Variants in PTPRD observed in about 807,000 individuals in gnomAD.
PTPRD encodes protein tyrosine phosphatase receptor type D, also known as receptor-type tyrosine-protein phosphatase delta.
PTPRD carries 34 observed loss-of-function variants against 214.5 expected under a neutral mutation model. That is an observed-to-expected ratio of 0.16 (90% confidence interval 0.12 to 0.21). The LOEUF is 0.21. Among genes scored for constraint, PTPRD ranks in the 10% least tolerant of loss-of-function variants. PTPRD has a pLI of 1.00. For missense variants in PTPRD, 2,545 were observed against 2,398.7 expected, an observed-to-expected ratio of 1.06 and a Z score of -1.27; for synonymous variants, 1,128 against 845.7, an observed-to-expected ratio of 1.33 and a Z score of -5.79.
chr9:10,436,714 C>T (rs1232539758), intron 2 of PTPRD, among the ~76,000 whole-genome samples: 1 of 151,648 alleles, frequency 6.6e-6, no homozygotes, highest in Admixed American at 6.6e-5. Context: ...ATTTATTCTT[C>T]AGCTTGTCTC....
intron 11 of PTPRD, among the ~76,000 whole-genome samples, chr9:8,762,737 G>T (rs187938546): frequency 0.013 from 1,904 of 152,204 alleles, 21 homozygotes; most frequent in South Asian, 0.044. Flanking sequence ...CTCTGTTCCA[G>T]TTAACCCATA....
At chr9:9,370,270 G>A (rs202203856) in intron 9 of PTPRD, among the ~76,000 whole-genome samples, 4 of 151,894 alleles carry the variant, frequency 2.6e-5, no homozygotes, top group Non-Finnish European at 5.9e-5. Flanking sequence ...ATTTGTTTGT[G>A]TCCTCTTTTA....
intron 9 of PTPRD, among the ~76,000 whole-genome samples, chr9:9,266,105 A>T (rs919415030): frequency 6.6e-6 from 1 of 151,552 alleles, no homozygotes; most frequent in Non-Finnish European, 1.5e-5. Flanking sequence ...ATGAGACAAA[A>T]TAGACTTTAA....
chr9:9,935,480 C>T (rs1189953757), intron 5 of PTPRD, among the ~76,000 whole-genome samples: 3 of 152,018 alleles, frequency 2.0e-5, no homozygotes, highest in African/African-American at 7.3e-5. Context: ...TTCACAATTG[C>T]TTCAAAGAGA....
intron 2 of PTPRD, among the ~76,000 whole-genome samples, chr9:10,472,973 AGTTT>A (rs2099040789): frequency 6.6e-6 from 1 of 152,018 alleles, no homozygotes; most frequent in Non-Finnish European, 1.5e-5. Flanking sequence ...TAATACATTA[AGTTT>A]ATTTAATACA....
chr9:10,542,100 T>C (rs551069553), intron 2 of PTPRD, among the ~76,000 whole-genome samples: 67 of 152,248 alleles, frequency 4.4e-4, no homozygotes, highest in African/African-American at 1.5e-3. Context: ...TTCCTTCTTA[T>C]CTTGAAAGAC....
intron 11 of PTPRD, among the ~76,000 whole-genome samples, chr9:8,737,149 A>C (rs2090651873): frequency 6.6e-6 from 1 of 152,136 alleles, no homozygotes; most frequent in African/African-American, 2.4e-5. Flanking sequence ...AGAAGACCAA[A>C]TTTTTTCAAA....
intron 11 of PTPRD, chr9:8,858,411 G>C (rs1336760527): frequency 6.6e-6 from 1 of 152,382 alleles, no homozygotes; most frequent in Non-Finnish European, 1.5e-5. Context: ...CCGGGAGGTG[G>C]GGTGGCCGGT....
chr9:9,851,069 C>T (rs1027779288), intron 5 of PTPRD, among the ~76,000 whole-genome samples: 1 of 152,098 alleles, frequency 6.6e-6, no homozygotes, highest in East Asian at 1.9e-4. Context: ...TTGGGGATCA[C>T]AATACCTAAA....
At chr9:10,447,038 G>A (rs1007059968) in intron 2 of PTPRD, among the ~76,000 whole-genome samples, 1 of 152,124 alleles carries the variant, frequency 6.6e-6, no homozygotes, top group African/African-American at 2.4e-5. Context: ...ACAATAATTT[G>A]CTCACATAGG....
intron 12 of PTPRD, among the ~76,000 whole-genome samples, chr9:8,670,248 G>C (rs1460648448): frequency 1.3e-5 from 2 of 152,094 alleles, no homozygotes; most frequent in African/African-American, 4.8e-5. Context: ...TAGATATTTA[G>C]ACTTGTTCGT....
chr9:8,770,756 T>C (rs905466519), intron 11 of PTPRD, among the ~76,000 whole-genome samples: 1 of 152,186 alleles, frequency 6.6e-6, no homozygotes, highest in Non-Finnish European at 1.5e-5. Context: ...AATGTTCATA[T>C]ATTAATGGGC....
Position 8,582,829 on chromosome 9 carries a change from G to A in PTPRD, c.352+50488C>T, listed in dbSNP as rs376423145. Reference sequence around the variant, plus strand: ...CACTGGAGACAAATGGTGATATGTGGCAAAGTTGGTGGGCTTTGTTTTGTT... The same window carrying A: ...CACTGGAGACAAATGGTGATATGTGACAAAGTTGGTGGGCTTTGTTTTGTT... On this transcript the variant is annotated intron_variant, in intron 14 of 45. Coordinates refer to ENST00000381196, the MANE Select transcript of PTPRD (RefSeq NM_002839.4). Among the ~76,000 whole-genome samples the A allele has an allele frequency of 1.3e-4, 20 of 152,288 alleles. 1 individual carries two copies. The East Asian group carries it at 1.9e-3, about 15-fold the overall frequency.
intron 10 of PTPRD, among the ~76,000 whole-genome samples, chr9:9,101,322 T>A (rs2099791064): frequency 6.6e-6 from 1 of 152,188 alleles, no homozygotes; most frequent in African/African-American, 2.4e-5. Flanking sequence ...TAGTTTCTTA[T>A]TTTTAAGAAG....
At chr9:9,510,504 A>C (rs2096675031) in intron 8 of PTPRD, among the ~76,000 whole-genome samples, 2 of 151,624 alleles carry the variant, frequency 1.3e-5, no homozygotes, top group Non-Finnish European at 3.0e-5. Flanking sequence ...TTGAAACTAT[A>C]CTGGTAATAT....
chr9:8,746,489 T>A (rs975756182), intron 11 of PTPRD, among the ~76,000 whole-genome samples: 5 of 152,204 alleles, frequency 3.3e-5, no homozygotes, highest in Non-Finnish European at 5.9e-5. Flanking sequence ...CTTTTTAAAG[T>A]ACTGTCATTT....
intron 12 of PTPRD, among the ~76,000 whole-genome samples, chr9:8,731,314 A>C (rs562228922): frequency 1.3e-5 from 2 of 152,300 alleles, no homozygotes; most frequent in South Asian, 2.1e-4. Flanking sequence ...CATTTGAAAA[A>C]ATTATTTCAG....
chr9:10,494,094 C>T (rs1174320997), intron 2 of PTPRD, among the ~76,000 whole-genome samples: 4 of 151,904 alleles, frequency 2.6e-5, no homozygotes, highest in Admixed American at 6.6e-5. Flanking sequence ...TCCATCAAGT[C>T]GACATCTGTG....
At chr9:9,730,374 C>A (rs1413133852) in intron 7 of PTPRD, among the ~76,000 whole-genome samples, 5 of 152,090 alleles carry the variant, frequency 3.3e-5, no homozygotes, top group Middle Eastern at 3.4e-3. Context: ...TGCGTGACTG[C>A]AGAAGGGTTA....
Sources: gnomAD v4.1 joint callset for allele counts (sites outside exome capture counted in the v4.1 genomes callset) on GRCh38, gnomAD v4.1.1 for gene constraint, MANE v1.5 for transcripts, NCBI Gene and HGNC (gene_info 2026-07-23, HGNC 2026-07-21) for gene names.